Variants in PRKCH observed in about 807,000 individuals in gnomAD.
PRKCH encodes protein kinase C eta type.
Under a neutral mutation model 82.5 loss-of-function variants are expected in PRKCH, and 28 were observed. The observed-to-expected ratio is 0.34, with a 90% CI of 0.25 to 0.47. The LOEUF (loss-of-function observed/expected upper bound fraction) is 0.47, where lower values mean the gene tolerates loss of function less well. Among genes scored for constraint, PRKCH ranks in the 20% least tolerant of loss-of-function variants. The pLI, the probability that PRKCH is intolerant of heterozygous loss-of-function variation, is 1.00. For synonymous variants in PRKCH, 322 were observed against 327.4 expected (o/e 0.98, Z 0.18); for missense variants, 705 against 881.8 (o/e 0.80, Z 2.54).
At chr14:61,297,619 A>T (rs534214698) in intron 1 of PRKCH, among the ~76,000 whole-genome samples, 1 of 152,342 alleles carries the variant, frequency 6.6e-6, no homozygotes, top group South Asian at 2.1e-4. Context: ...AGATTCTCAT[A>T]AGGAATGTGT....
intron 10 of PRKCH, among the ~76,000 whole-genome samples, chr14:61,508,864 G>A (rs145428231): frequency 3.7e-4 from 57 of 152,208 alleles, no homozygotes; most frequent in Admixed American, 2.6e-3. Flanking sequence ...GAAGCATGAG[G>A]ACACTGTTTT....
chr14:61,484,764 C>CG (rs1555392076), intron 9 of PRKCH, among the ~76,000 whole-genome samples: 1 of 121,206 alleles, frequency 8.3e-6, no homozygotes, highest in African/African-American at 3.2e-5. Flanking sequence ...ATTTGGCTTC[C>CG]TTTTTTTTTT....
chr14:61,256,520 A>G (rs1243850577), intron 1 of PRKCH, among the ~76,000 whole-genome samples: 1 of 152,178 alleles, frequency 6.6e-6, no homozygotes, highest in Non-Finnish European at 1.5e-5. Flanking sequence ...GATCCTGAAA[A>G]ATTAATGCTT....
At chr14:61,296,900 CAT>C (rs533441158) in intron 1 of PRKCH, among the ~76,000 whole-genome samples, 91 of 152,280 alleles carry the variant, frequency 6.0e-4, no homozygotes, top group African/African-American at 2.0e-3. Flanking sequence ...TTTAATTTAA[CAT>C]GTGATCTGTA....
At chr14:61,479,544 C>T (rs965267318) in intron 9 of PRKCH, among the ~76,000 whole-genome samples, 1 of 152,180 alleles carries the variant, frequency 6.6e-6, no homozygotes, top group Non-Finnish European at 1.5e-5. Flanking sequence ...TAGTTAGTAT[C>T]ATCTTGTCAC....
chr14:61,387,597 T>G (rs1408817780), intron 1 of PRKCH, among the ~76,000 whole-genome samples: 1 of 152,174 alleles, frequency 6.6e-6, no homozygotes, highest in Non-Finnish European at 1.5e-5. Flanking sequence ...TGGTTGTCAC[T>G]GGGGGGTATC....
intron 1 of PRKCH, among the ~76,000 whole-genome samples, chr14:61,209,185 G>A (rs976168436): frequency 2.0e-5 from 3 of 151,944 alleles, no homozygotes; most frequent in Admixed American, 2.0e-4. Context: ...CCAGATACCG[G>A]TGCTATGCTC....
intron 1 of PRKCH, among the ~76,000 whole-genome samples, chr14:61,350,318 AGAGGAACACTAGCAT>A (rs1651604811): frequency 6.6e-6 from 1 of 152,188 alleles, no homozygotes; most frequent in South Asian, 2.1e-4. Flanking sequence ...GCTGGGCCCC[AGAGGAACACTAGCAT>A]GTGCCCTTGC....
chr14:61,463,452 G>T (rs914585702), intron 9 of PRKCH: 2 of 151,874 alleles, frequency 1.3e-5, no homozygotes, highest in African/African-American at 4.9e-5. Flanking sequence ...TGCTACAAAG[G>T]TTTATGAACC....
chr14:61,256,574 G>A (rs1045018413), intron 1 of PRKCH, among the ~76,000 whole-genome samples: 6 of 152,038 alleles, frequency 3.9e-5, no homozygotes, highest in Non-Finnish European at 7.4e-5. Flanking sequence ...AACTCGCCCC[G>A]CATCAAGAAT....
chr14:61,305,418 C>G (rs1220001403), intron 1 of PRKCH: 1 of 152,048 alleles, frequency 6.6e-6, no homozygotes, highest in Non-Finnish European at 1.5e-5. Context: ...CCTGCCTCAG[C>G]CTCCCAAAGT....
intron 2 of PRKCH, among the ~76,000 whole-genome samples, chr14:61,416,772 G>A (rs1256618088): frequency 6.6e-6 from 1 of 152,086 alleles, no homozygotes; most frequent in Non-Finnish European, 1.5e-5. Context: ...CTTTCTGTTG[G>A]GGAGAGAATA....
intron 9 of PRKCH, among the ~76,000 whole-genome samples, chr14:61,471,394 G>A (rs1885497532): frequency 6.6e-6 from 1 of 152,176 alleles, no homozygotes; most frequent in Admixed American, 6.5e-5. Flanking sequence ...TACAGGATCT[G>A]CTCATTCACT....
intron 1 of PRKCH, among the ~76,000 whole-genome samples, chr14:61,259,295 C>CT (rs2140078587): frequency 6.6e-6 from 1 of 152,346 alleles, no homozygotes; most frequent in South Asian, 2.1e-4. Context: ...TTTGCAGCTG[C>CT]TTTCCACAGG....
At chr14:61,449,674 G>C (rs796517406) in intron 5 of PRKCH, among the ~76,000 whole-genome samples, 2 of 152,272 alleles carry the variant, frequency 1.3e-5, no homozygotes, top group African/African-American at 4.8e-5. Flanking sequence ...ATGAGCTGCG[G>C]CAAGGCCTAC....
At chr14:61,441,513 C>T (rs1387078718) in intron 2 of PRKCH, among the ~76,000 whole-genome samples, 1 of 152,182 alleles carries the variant, frequency 6.6e-6, no homozygotes, top group Non-Finnish European at 1.5e-5. Context: ...GGTTCTTATG[C>T]GTCCGTCTTG....
chr14:61,248,321 A>G (rs1326278485), intron 1 of PRKCH, among the ~76,000 whole-genome samples: 1 of 152,210 alleles, frequency 6.6e-6, no homozygotes, highest in Non-Finnish European at 1.5e-5. Flanking sequence ...CATCAAAATA[A>G]TCTGGAGTTG....
At chr14:61,507,722 CA>C (rs1887212363) in intron 10 of PRKCH, among the ~76,000 whole-genome samples, 1 of 151,936 alleles carries the variant, frequency 6.6e-6, no homozygotes, top group African/African-American at 2.4e-5. Context: ...CTAAAATAGT[CA>C]AAATCATAGA....
At chr14:61,414,986 C>T (rs900708601) in intron 2 of PRKCH, among the ~76,000 whole-genome samples, 1 of 152,104 alleles carries the variant, frequency 6.6e-6, no homozygotes, top group Non-Finnish European at 1.5e-5. Context: ...CTCATAGGGC[C>T]TTTCATCTGC....
Sources: gnomAD v4.1 joint callset for allele counts (sites outside exome capture counted in the v4.1 genomes callset) on GRCh38, gnomAD v4.1.1 for gene constraint, MANE v1.5 for transcripts, NCBI Gene and HGNC (gene_info 2026-07-23, HGNC 2026-07-21) for gene names.